Variants in FGF2 observed in about 807,000 individuals in gnomAD.
FGF2 encodes the protein fibroblast growth factor 2, also known as basic fibroblast growth factor bFGF.
In FGF2, 13 loss-of-function variants were observed where a neutral mutation model predicts 15.9. The observed-to-expected ratio is 0.82, with a 90% CI of 0.53 to 1.30. The LOEUF (loss-of-function observed/expected upper bound fraction) is 1.30, where lower values mean the gene tolerates loss of function less well. Among genes scored for constraint, FGF2 ranks in the 50% most tolerant of loss-of-function variants. FGF2 has a pLI of 0.00. For missense variants in FGF2, 163 were observed against 196.9 expected (o/e 0.83, Z 1.03); for synonymous variants, 90 against 78.4 (o/e 1.15, Z -0.78).
chr4:122,871,888 A>T (rs1307738548), intron 1 of FGF2, among the ~76,000 whole-genome samples: 2 of 148,766 alleles, frequency 1.3e-5, no homozygotes, highest in Admixed American at 6.8e-5. Flanking sequence ...AAAGACTGAA[A>T]ATAGACAAAC....
chr4:122,885,913 C>CTTTTTTTT (rs11310783), intron 2 of FGF2, among the ~76,000 whole-genome samples: 10 of 84,522 alleles, frequency 1.2e-4, no homozygotes, highest in Non-Finnish European at 2.1e-4. Context: ...TTTTTTTTTC[C>CTTTTTTTT]TTTTTTTTTT....
intron 1 of FGF2, among the ~76,000 whole-genome samples, chr4:122,872,501 T>C (rs1487593779): frequency 6.7e-6 from 1 of 150,260 alleles, no homozygotes; most frequent in African/African-American, 2.5e-5. Flanking sequence ...CAGGCCAACA[T>C]GCAAATTCAG....
chr4:122,828,913 C>T (rs893389646), intron 1 of FGF2, among the ~76,000 whole-genome samples: 5 of 152,182 alleles, frequency 3.3e-5, no homozygotes, highest in Admixed American at 2.0e-4. Flanking sequence ...CTGACAAGGG[C>T]AAGGTGCTGT....
At chr4:122,848,497 T>C (rs528604889) in intron 1 of FGF2, among the ~76,000 whole-genome samples, 1 of 152,300 alleles carries the variant, frequency 6.6e-6, no homozygotes, top group African/African-American at 2.4e-5. Context: ...TGGAGACTTG[T>C]GGTCACAGCA....
At chr4:122,887,914 T>G (rs1420271264) in intron 2 of FGF2, among the ~76,000 whole-genome samples, 1 of 151,836 alleles carries the variant, frequency 6.6e-6, no homozygotes, top group Non-Finnish European at 1.5e-5. Context: ...TTCCTGGTAT[T>G]CCAAATAAAT....
rs1035667005 is a variant in FGF2 at position 122,849,281 on chromosome 4, A to G, written c.178+21929A>G. ...GGAATACTATGCAGCCACAAAAAGG[A>G]TGAGTTCATGTCCTTTGCAGGGAAA... is the stretch of plus-strand genomic sequence containing the variant. On this transcript the variant is annotated intron_variant, in intron 1 of 2. Transcript: ENST00000644866. Among the ~76,000 whole-genome samples the G allele has an allele frequency of 3.3e-5, 5 of 152,220 alleles. No homozygotes were observed. In the East Asian group the frequency reaches 9.6e-4, roughly 29 times the overall value.
In FGF2 at chr4:122,892,303, G is replaced by T; in HGVS notation, c.375G>T (p.Val125=). 11 of 1,613,976 alleles carry T rather than the reference G, an allele frequency of 6.8e-6. No homozygotes were observed. The highest frequency in any genetic ancestry group is 7.6e-6 in the Non-Finnish European group (9 of 1,179,886). Residue 125 remains valine (V), a synonymous_variant, in exon 3 of 3, where the codon GTG becomes GTT. Coordinates refer to ENST00000644866, the MANE Select transcript of FGF2 (RefSeq NM_001361665.2). ...CAAGGAAATACACCAGTTGGTATGT[G>T]GCACTGAAACGAACTGGGCAGTATA... The part of the protein sequence containing the change: ...YRSRKYTSWY[V]ALKRTGQYKL...
chr4:122,880,675 C>A (rs2150786331), intron 2 of FGF2, among the ~76,000 whole-genome samples: 1 of 152,318 alleles, frequency 6.6e-6, no homozygotes, highest in Admixed American at 6.5e-5. Flanking sequence ...TTGCAGGGTA[C>A]AGCCTCCCTC....
At chr4:122,864,014 G>A (rs951185921) in intron 1 of FGF2, among the ~76,000 whole-genome samples, 1 of 151,848 alleles carries the variant, frequency 6.6e-6, no homozygotes, top group African/African-American at 2.4e-5. Context: ...TTCTTTACTG[G>A]AAGTCAATTG....
intron 1 of FGF2, chr4:122,840,694 G>A (rs1189664441): frequency 1.1e-5 from 2 of 185,344 alleles, no homozygotes; most frequent in East Asian, 1.2e-4. Context: ...CAGGTAAGGA[G>A]CTGAGTCCTT....
intron 2 of FGF2, chr4:122,882,829 C>T (rs532983298): frequency 2.6e-5 from 4 of 152,250 alleles, no homozygotes; most frequent in African/African-American, 7.2e-5. Context: ...CATGCCTTTT[C>T]AGCAGCAATC....
chr4:122,895,722 A>G lies in FGF2; in HGVS notation c.*3326A>G, dbSNP rs1006301133. 1 of 152,132 alleles carries G rather than the reference A, an allele frequency of 6.6e-6. No homozygotes were observed. The allele number at this position is 152,132 out of a possible 1,614,324, so 9.4% of individuals were successfully genotyped here. ...ATATGACCCTCTTGATATTTAAAAA[A>G]CACTATGGATAACAATTCTTCATTT... On this transcript the variant is annotated 3_prime_UTR_variant, in exon 3 of 3. Transcript: ENST00000644866.
At chr4:122,849,600 T>TA (rs572874888) in intron 1 of FGF2, among the ~76,000 whole-genome samples, 159 of 142,710 alleles carry the variant, frequency 1.1e-3, no homozygotes, top group South Asian at 8.9e-3. Flanking sequence ...TAAAGTAAAA[T>TA]AAAAAAAAAA....
intron 1 of FGF2, among the ~76,000 whole-genome samples, chr4:122,850,057 T>G (rs1726196898): frequency 6.6e-6 from 1 of 151,768 alleles, no homozygotes; most frequent in South Asian, 2.1e-4. Flanking sequence ...AGCTCAGGAG[T>G]TTGAGACCAG....
At chr4:122,847,471 C>T (rs308416) in intron 1 of FGF2, among the ~76,000 whole-genome samples, 11,152 of 152,182 alleles carry the variant, frequency 0.073, 707 homozygotes, top group South Asian at 0.21. Flanking sequence ...AGTCTCATCA[C>T]AGAGGATGAC....
chr4:122,893,103 T>C lies in FGF2; in HGVS notation c.*707T>C, dbSNP rs1390077505. On this transcript the variant is annotated 3_prime_UTR_variant, in exon 3 of 3. Transcript: ENST00000644866. ...AATGAATATGGCTTTAGGCGGCAGATGATATACATATCTGACTTCCCAAAA... is the reference window on the plus strand; with the variant it reads ...AATGAATATGGCTTTAGGCGGCAGACGATATACATATCTGACTTCCCAAAA... 3.1e-6 allele frequency: 5 copies of C among 1,614,128 alleles called. No individual in the cohort carries two copies. The highest frequency in any genetic ancestry group is 2.2e-5 in the South Asian group (2 of 91,080).
At chr4:122,866,204 T>A (rs763545868) in intron 1 of FGF2, among the ~76,000 whole-genome samples, 5 of 151,962 alleles carry the variant, frequency 3.3e-5, no homozygotes, top group African/African-American at 4.8e-5. Flanking sequence ...CCGACTCTAC[T>A]AAAAATACAA....
At position 122,893,012 on chromosome 4, in the gene FGF2, T is replaced by C. The variant is rs771682042; in HGVS notation, c.*616T>C. The C allele has an allele frequency of 6.2e-7, 1 of 1,614,208 alleles. No homozygotes were observed. Among genetic ancestry groups the C allele is most frequent in the Admixed American group, 1.7e-5 (1 of 60,020 alleles). On this transcript the variant is annotated 3_prime_UTR_variant, in exon 3 of 3. Transcript: ENST00000644866. ...GGTGATGGGAGTTGTATTTTCAGTC[T>C]TCGCCAGGTCATTGAGATCCATCCA...
chr4:122,829,855 A>C (rs1725724414), intron 1 of FGF2, among the ~76,000 whole-genome samples: 1 of 152,206 alleles, frequency 6.6e-6, no homozygotes, highest in Non-Finnish European at 1.5e-5. Context: ...TAAGTACAGT[A>C]TATTATTTTC....
Sources: allele counts gnomAD v4.1 joint callset (sites outside exome capture counted in the v4.1 genomes callset), GRCh38; gene constraint gnomAD v4.1.1; transcripts MANE v1.5; gene names NCBI Gene and HGNC (gene_info 2026-07-23, HGNC 2026-07-21).